Variants in ARHGAP6 observed in about 807,000 individuals in gnomAD.
ARHGAP6 encodes the protein rho GTPase-activating protein 6.
Under a neutral mutation model 55.7 loss-of-function variants are expected in ARHGAP6, and 16 were observed. The ratio of observed to expected loss-of-function variants is 0.29; its 90% CI spans 0.19 to 0.44. ARHGAP6 has a LOEUF of 0.44. Among genes scored for constraint, ARHGAP6 ranks in the 20% least tolerant of loss-of-function variants. The pLI is 1.00. For synonymous variants in ARHGAP6, 382 were observed against 360.9 expected (o/e 1.06, Z -0.66); for missense variants, 698 against 808.9 (o/e 0.86, Z 1.66).
intron 1 of ARHGAP6, among the ~76,000 whole-genome samples, chrX:11,352,488 T>C (rs975560776): frequency 9.0e-6 from 1 of 111,686 alleles, no homozygotes; most frequent in African/African-American, 3.3e-5. Context: ...AGGACCAAAT[T>C]AGGGCATGAA....
intron 1 of ARHGAP6, among the ~76,000 whole-genome samples, chrX:11,329,056 T>C (rs781401685): frequency 8.9e-6 from 1 of 112,103 alleles, no homozygotes; most frequent in African/African-American, 3.2e-5. Context: ...GAAAGGAGCT[T>C]TTTCTGTAAA....
chrX:11,532,536 C>A (rs1052008389), intron 1 of ARHGAP6, among the ~76,000 whole-genome samples: 4 of 112,552 alleles, frequency 3.6e-5, no homozygotes, highest in African/African-American at 1.3e-4. Context: ...CTTTCTCCAG[C>A]CTCTGGCTGG....
intron 2 of ARHGAP6, chrX:11,224,178 G>T (rs1461983944): frequency 8.0e-6 from 1 of 125,314 alleles, no homozygotes; most frequent in Admixed American, 8.0e-5. Context: ...CAGGTGAGCA[G>T]AAAGATGAAG....
chrX:11,502,043 A>C (rs1486404144), intron 1 of ARHGAP6, among the ~76,000 whole-genome samples: 1 of 112,488 alleles, frequency 8.9e-6, no homozygotes, highest in African/African-American at 3.2e-5. Context: ...GCAATACACA[A>C]GTGTGTTTAT....
chrX:11,243,027 G>A (rs2047305186), intron 2 of ARHGAP6, among the ~76,000 whole-genome samples: 1 of 111,638 alleles, frequency 9.0e-6, no homozygotes, highest in Non-Finnish European at 1.9e-5. Flanking sequence ...ATACATAAAT[G>A]TGCTATGATT....
intron 2 of ARHGAP6, among the ~76,000 whole-genome samples, chrX:11,215,397 C>T (rs2046866993): frequency 8.8e-6 from 1 of 113,031 alleles, no homozygotes; most frequent in African/African-American, 3.2e-5. Flanking sequence ...TTCAGGTGTG[C>T]GCGGCAGCTG....
At chrX:11,441,843 T>C (rs1437890238) in intron 1 of ARHGAP6, among the ~76,000 whole-genome samples, 2 of 110,484 alleles carry the variant, frequency 1.8e-5, no homozygotes, top group African/African-American at 6.6e-5. Flanking sequence ...ACAGCTCCAA[T>C]TCCTTCTCAT....
Position 11,292,156 on chromosome X carries a change from T to C in ARHGAP6, c.589-37449A>G, listed in dbSNP as rs1057344870. 3.6e-5 allele frequency among the ~76,000 whole-genome samples: 4 copies of C among 112,183 alleles called. No individual in the cohort carries two copies. In the South Asian group the frequency reaches 1.1e-3, roughly 31 times the overall value. On this transcript the variant is annotated intron_variant, in intron 1 of 12. Coordinates refer to ENST00000337414, the MANE Select transcript of ARHGAP6 (RefSeq NM_013427.3). ...ATATATACGTATAAACATATGTATA[T>C]ATACAAACTTTATAAGTATTACTTG...
At chrX:11,142,691 G>A (rs1365821901) in intron 11 of ARHGAP6, 1 of 112,851 alleles carries the variant, frequency 8.9e-6, no homozygotes, top group Non-Finnish European at 1.9e-5. Context: ...TTATAAGAGA[G>A]GGGTAGGAGA....
chrX:11,254,682 G>A lies in ARHGAP6; in HGVS notation c.614C>T (p.Ser205Leu). Residue 205 changes from serine (S) to leucine (L), a missense_variant, in exon 2 of 13, where the codon TCA becomes TTA. Coordinates refer to ENST00000337414, the MANE Select transcript of ARHGAP6 (RefSeq NM_013427.3). The part of the protein sequence containing the change: ...SEGDFTWNSM[S>L]GRSVRLRSVP... ...TGACCTCAGCCGTACACTGCGGCCT[G>A]ACATGCTGTTCCAGGTGAAATCACC... 2 of 1,157,270 alleles carry A rather than the reference G, an allele frequency of 1.7e-6. No individual in the cohort carries two copies. The highest frequency in any genetic ancestry group is 2.3e-6 in the Non-Finnish European group (2 of 869,771).
chrX:11,286,573 A>G lies in ARHGAP6; in HGVS notation c.589-31866T>C, dbSNP rs560823234. Among the ~76,000 whole-genome samples the G allele has an allele frequency of 9.0e-5, 10 of 111,160 alleles. No homozygotes were observed. The South Asian group carries it at 3.8e-3, about 43-fold the overall frequency. ...CAGCTCAGTTCTTAGGTAACTGTAA[A>G]TCTGTGGGTTTCAACTAGGGGCGAA... On this transcript the variant is annotated intron_variant, in intron 1 of 12. Coordinates refer to ENST00000337414, the MANE Select transcript of ARHGAP6 (RefSeq NM_013427.3).
chrX:11,499,506 T>C (rs960943632), intron 1 of ARHGAP6, among the ~76,000 whole-genome samples: 2 of 112,009 alleles, frequency 1.8e-5, no homozygotes, highest in Non-Finnish European at 3.8e-5. Flanking sequence ...CAAAATGGTG[T>C]CTCCTCATTC....
chrX:11,517,902 T>C (rs946884413), intron 1 of ARHGAP6, among the ~76,000 whole-genome samples: 1 of 110,737 alleles, frequency 9.0e-6, no homozygotes, highest in African/African-American at 3.3e-5. Context: ...GGTTGATAGG[T>C]ACAGCAAACC....
chrX:11,227,080 C>T (rs923893010), intron 2 of ARHGAP6, among the ~76,000 whole-genome samples: 2 of 111,876 alleles, frequency 1.8e-5, no homozygotes, highest in Non-Finnish European at 3.8e-5. Context: ...AAGACATGCT[C>T]ATATGTCACT....
intron 1 of ARHGAP6, among the ~76,000 whole-genome samples, chrX:11,290,155 C>T (rs2047970802): frequency 9.0e-6 from 1 of 111,715 alleles, no homozygotes. Flanking sequence ...CACAGAAGTC[C>T]ACAGGAGCAG....
intron 1 of ARHGAP6, among the ~76,000 whole-genome samples, chrX:11,584,027 T>A (rs1466169680): frequency 8.9e-6 from 1 of 111,860 alleles, no homozygotes; most frequent in Non-Finnish European, 1.9e-5. Context: ...AAAAGGACTA[T>A]GCCAAAGTGT....
At chrX:11,566,531 A>G (rs954323906) in intron 1 of ARHGAP6, among the ~76,000 whole-genome samples, 6 of 112,372 alleles carry the variant, frequency 5.3e-5, no homozygotes, top group Non-Finnish European at 1.1e-4. Flanking sequence ...ATGACAAAAT[A>G]AAAGTGCTGA....
At chrX:11,320,652 T>C (rs2048420738) in intron 1 of ARHGAP6, among the ~76,000 whole-genome samples, 1 of 110,140 alleles carries the variant, frequency 9.1e-6, no homozygotes, top group South Asian at 3.9e-4. Context: ...CAACCTATTG[T>C]GAATGGCTTT....
chrX:11,145,904 C>G (rs12014474), intron 10 of ARHGAP6, among the ~76,000 whole-genome samples: 5 of 112,358 alleles, frequency 4.5e-5, no homozygotes, highest in African/African-American at 1.6e-4. Flanking sequence ...CCAGGTGATT[C>G]TGATGCACGG....
Sources: allele counts gnomAD v4.1 joint callset (sites outside exome capture counted in the v4.1 genomes callset), GRCh38; gene constraint gnomAD v4.1.1; transcripts MANE v1.5; gene names NCBI Gene and HGNC (gene_info 2026-07-23, HGNC 2026-07-21).